Variants in CRTAC1 observed in about 807,000 individuals in gnomAD.
The protein encoded by CRTAC1 is cartilage acidic protein 1, also known as acidic secreted protein in cartilage.
In CRTAC1, 37 loss-of-function variants were observed where a neutral mutation model predicts 67.8. The observed-to-expected ratio is 0.55, with a 90% CI of 0.42 to 0.72. The LOEUF (loss-of-function observed/expected upper bound fraction) is 0.72. CRTAC1 is among the 30% of genes least tolerant of loss of function. CRTAC1 has a pLI of 0.00. For synonymous variants in CRTAC1, 348 were observed against 371.0 expected, an observed-to-expected ratio of 0.94 and a Z score of 0.71; for missense variants, 780 against 931.6, an observed-to-expected ratio of 0.84 and a Z score of 2.12.
At chr10:97,959,572 G>T (rs2051491499) in intron 2 of CRTAC1, among the ~76,000 whole-genome samples, 2 of 152,194 alleles carry the variant, frequency 1.3e-5, no homozygotes, top group African/African-American at 4.8e-5. Flanking sequence ...TAAGGGGAGG[G>T]TATTAAGTAA....
At chr10:97,953,318 G>T (rs1243458568) in intron 2 of CRTAC1, among the ~76,000 whole-genome samples, 1 of 152,082 alleles carries the variant, frequency 6.6e-6, no homozygotes, top group East Asian at 1.9e-4. Context: ...AGAGTGACAT[G>T]CACCATAACA....
At chr10:97,952,357 AAAAT>A (rs946553484) in intron 2 of CRTAC1, among the ~76,000 whole-genome samples, 17 of 150,506 alleles carry the variant, frequency 1.1e-4, no homozygotes, top group Non-Finnish European at 7.4e-5. Context: ...ATCTCAAAAA[AAAAT>A]AAATAAATAA....
In CRTAC1 at chr10:97,908,143, G is replaced by GCC; in HGVS notation, c.718_719dup (p.Arg241AlafsTer84). 6.2e-7 allele frequency: 1 copy of GCC among 1,613,968 alleles called. No homozygotes were observed. Among genetic ancestry groups the GCC allele is most frequent in the South Asian group, 1.1e-5 (1 of 91,064 alleles). On this transcript the variant is annotated frameshift_variant, in exon 6 of 15. Transcript: ENST00000370597. LOFTEE classifies it high-confidence loss of function. ...GGATGGGGCCCACGCTGACGCCTCG[G>GCC]CCCCCTAGAAAAGACATCGACCCAC...
rs185751340 is a variant in CRTAC1, at chr10:97,947,505, T to C, written c.225-11139A>G. On this transcript the variant is annotated intron_variant, in intron 2 of 14. Coordinates refer to ENST00000370597, the MANE Select transcript of CRTAC1 (RefSeq NM_018058.7). ...TTTAGGGAATACGGGGTAGACTAGC[T>C]GGACAACATAGAAGTGTGTGTTGGA... is the stretch of plus-strand genomic sequence containing the variant. Among the ~76,000 whole-genome samples, 770 of 152,388 alleles carry C rather than the reference T, an allele frequency of 5.1e-3. 4 individuals are homozygous for C. Among genetic ancestry groups the C allele is most frequent in the African/African-American group, 0.017 (693 of 41,592 alleles).
At chr10:97,918,518 G>A (rs2050790732) in intron 4 of CRTAC1, among the ~76,000 whole-genome samples, 1 of 152,118 alleles carries the variant, frequency 6.6e-6, no homozygotes, top group Non-Finnish European at 1.5e-5. Context: ...CCAATTAATT[G>A]GACAGTAAAT....
chr10:97,872,860 C>T (rs567041708), intron 14 of CRTAC1, among the ~76,000 whole-genome samples: 20 of 152,108 alleles, frequency 1.3e-4, no homozygotes, highest in Non-Finnish European at 2.1e-4. Context: ...AGATGAACTC[C>T]GCATTTGTAA....
intron 1 of CRTAC1, among the ~76,000 whole-genome samples, chr10:98,022,025 G>C (rs962227221): frequency 3.5e-4 from 54 of 152,300 alleles, no homozygotes; most frequent in African/African-American, 1.2e-3. Context: ...TACCAGGGGT[G>C]AGACACAATT....
chr10:97,981,819 T>C (rs566423074), intron 2 of CRTAC1, among the ~76,000 whole-genome samples: 1 of 152,376 alleles, frequency 6.6e-6, no homozygotes, highest in East Asian at 1.9e-4. Context: ...CTTTTGCCAG[T>C]TTTGTTAATA....
At chr10:97,906,079 C>T (rs1374158619) in intron 6 of CRTAC1, among the ~76,000 whole-genome samples, 2 of 152,140 alleles carry the variant, frequency 1.3e-5, no homozygotes, top group African/African-American at 4.8e-5. Flanking sequence ...ATCAGAGACC[C>T]CAGGACACAG....
chr10:97,980,251 A>G (rs1270229677), intron 2 of CRTAC1, among the ~76,000 whole-genome samples: 1 of 152,176 alleles, frequency 6.6e-6, no homozygotes, highest in African/African-American at 2.4e-5. Context: ...TGGCACACCC[A>G]CCCTCATATA....
At chr10:97,986,841 C>T (rs1446286443) in intron 2 of CRTAC1, among the ~76,000 whole-genome samples, 1 of 152,202 alleles carries the variant, frequency 6.6e-6, no homozygotes. Context: ...AACTGGGTGA[C>T]CTTCAGCGAG....
chr10:97,993,434 G>A (rs958268857), intron 2 of CRTAC1, among the ~76,000 whole-genome samples: 8 of 152,110 alleles, frequency 5.3e-5, no homozygotes, highest in African/African-American at 1.4e-4. Context: ...GAGTGTCTTC[G>A]CTGTAGCAAA....
At chr10:97,886,980 A>G (rs1322307667) in intron 11 of CRTAC1, among the ~76,000 whole-genome samples, 1 of 151,648 alleles carries the variant, frequency 6.6e-6, no homozygotes, top group Non-Finnish European at 1.5e-5. Flanking sequence ...TTGAAGTAGA[A>G]TCTTGAGGCG....
chr10:97,884,598 G>T, intron 11 of CRTAC1: 1 of 438,872 alleles, frequency 2.3e-6, no homozygotes, highest in Non-Finnish European at 4.0e-6. Flanking sequence ...GTAGCCACTG[G>T]TAACATGTGG....
intron 1 of CRTAC1, among the ~76,000 whole-genome samples, chr10:98,028,649 G>A (rs975250510): frequency 6.6e-6 from 1 of 152,216 alleles, no homozygotes; most frequent in African/African-American, 2.4e-5. Flanking sequence ...GTGCAGCCCA[G>A]ATGGAGAAGG....
intron 2 of CRTAC1, among the ~76,000 whole-genome samples, chr10:97,962,321 G>A (rs2051539549): frequency 7.1e-6 from 1 of 141,840 alleles, no homozygotes; most frequent in Admixed American, 6.9e-5. Context: ...ACAGGACACT[G>A]CGTCAGTAAG....
intron 5 of CRTAC1, among the ~76,000 whole-genome samples, chr10:97,916,308 TTAC>T (rs1242212515): frequency 6.6e-6 from 1 of 152,224 alleles, no homozygotes; most frequent in African/African-American, 2.4e-5. Context: ...ACATAGTTTA[TTAC>T]TGATACAGCC....
chr10:97,960,954 G>C (rs1264264837), intron 2 of CRTAC1, among the ~76,000 whole-genome samples: 2 of 152,160 alleles, frequency 1.3e-5, no homozygotes, highest in East Asian at 1.9e-4. Flanking sequence ...TGAACTCACT[G>C]TTCTTTAATT....
intron 2 of CRTAC1, among the ~76,000 whole-genome samples, chr10:97,996,967 C>T (rs1391988820): frequency 6.6e-6 from 1 of 151,114 alleles, no homozygotes; most frequent in East Asian, 2.0e-4. Flanking sequence ...TCATCATTCT[C>T]AGTAAACTAT....
Sources: gnomAD v4.1 joint callset for allele counts (sites outside exome capture counted in the v4.1 genomes callset) on GRCh38, gnomAD v4.1.1 for gene constraint, MANE v1.5 for transcripts, NCBI Gene and HGNC (gene_info 2026-07-23, HGNC 2026-07-21) for gene names.